The following TNKS variants were observed in gnomAD, a reference collection of about 807,000 sequenced individuals.
TNKS encodes poly [ADP-ribose] polymerase tankyrase-1.
A neutral mutation model predicts 135.8 loss-of-function variants in TNKS; 72 were observed. The observed-to-expected ratio is 0.53, with a 90% confidence interval of 0.44 to 0.64. The LOEUF (loss-of-function observed/expected upper bound fraction) is 0.64. Among genes scored for constraint, TNKS ranks in the 30% least tolerant of loss-of-function variants. TNKS has a pLI of 0.00. For missense variants in TNKS, 1,769 were observed against 1,674.0 expected (o/e 1.06, Z -0.99); for synonymous variants, 849 against 649.3 (o/e 1.31, Z -4.68).
intron 3 of TNKS, among the ~76,000 whole-genome samples, chr8:9,669,342 C>CGGG (rs1271426809): frequency 1.3e-5 from 2 of 150,196 alleles, no homozygotes; most frequent in Non-Finnish European, 3.0e-5. Context: ...GGCGTGAACC[C>CGGG]GGGAAGCGGA....
chr8:9,645,588 A>G (rs1392107881), intron 3 of TNKS, among the ~76,000 whole-genome samples: 2 of 152,080 alleles, frequency 1.3e-5, no homozygotes, highest in African/African-American at 2.4e-5. Flanking sequence ...TTCCAGGTAT[A>G]TTAGTGCTGG....
rs1563187731 is a variant in TNKS, at chr8:9,717,090, TA to T, written c.1750-3283del. 1.9e-3 allele frequency among the ~76,000 whole-genome samples: 236 copies of T among 127,464 alleles called. 12 individuals are homozygous for T. Among genetic ancestry groups the T allele is most frequent in the African/African-American group, 6.4e-3 (232 of 36,082 alleles). The allele number at this position is 127,464 out of a possible 152,430, so 83.6% of individuals were successfully genotyped here. ...GTATTATAATATATATATATATATA[TA>T]TATATATATATTTTCAGGGAATTTG... On this transcript the variant is annotated intron_variant, in intron 11 of 26. Transcript: ENST00000310430.
intron 2 of TNKS, among the ~76,000 whole-genome samples, chr8:9,584,322 TCTTC>T (rs1291088373): frequency 6.6e-6 from 1 of 152,194 alleles, no homozygotes; most frequent in African/African-American, 2.4e-5. Context: ...TAGTGTCAGA[TCTTC>T]CTTCCTTCTA....
chr8:9,644,511 C>T (rs915011683), intron 3 of TNKS, among the ~76,000 whole-genome samples: 7 of 152,070 alleles, frequency 4.6e-5, no homozygotes, highest in African/African-American at 1.7e-4. Flanking sequence ...TTAACGTTTC[C>T]CACTAGAACT....
chr8:9,727,995 G>A (rs933306698), intron 13 of TNKS, among the ~76,000 whole-genome samples: 1 of 152,222 alleles, frequency 6.6e-6, no homozygotes, highest in Admixed American at 6.5e-5. Flanking sequence ...AAGACGATTA[G>A]GCTTCCTTTC....
intron 16 of TNKS, 108 bp downstream of exon 16, chr8:9,735,192 A>T (rs1202083532): frequency 1.7e-6 from 2 of 1,187,896 alleles, no homozygotes; most frequent in African/African-American, 3.1e-5. Flanking sequence ...ACTTAGTAAA[A>T]TGCTCTTGAT....
intron 2 of TNKS, among the ~76,000 whole-genome samples, chr8:9,603,920 C>A (rs1302376979): frequency 2.0e-5 from 3 of 151,944 alleles, no homozygotes; most frequent in Admixed American, 1.3e-4. Context: ...AGTCAAAGAA[C>A]TTCAATGAGT....
intron 3 of TNKS, among the ~76,000 whole-genome samples, chr8:9,637,531 T>G (rs35127402): frequency 2.0e-5 from 3 of 152,192 alleles, no homozygotes; most frequent in African/African-American, 7.2e-5. Flanking sequence ...TGAGAGTGAA[T>G]GATAAATTGC....
chr8:9,716,736 T>C lies in TNKS; in HGVS notation c.1750-3638T>C, dbSNP rs180779396. On this transcript the variant is annotated intron_variant, in intron 11 of 26. Coordinates refer to ENST00000310430, the MANE Select transcript of TNKS (RefSeq NM_003747.3). ...TCTCTCTCTTTCTCTTTCTCTGAGGTTTCTTTTCTCTGCCAGTGTTTGTTC... is the reference window on the plus strand; with the variant it reads ...TCTCTCTCTTTCTCTTTCTCTGAGGCTTCTTTTCTCTGCCAGTGTTTGTTC... 2.0e-3 allele frequency among the ~76,000 whole-genome samples: 304 copies of C among 152,038 alleles called. 1 individual carries two copies. The highest frequency in any genetic ancestry group is 7.0e-3 in the African/African-American group (292 of 41,494).
intron 18 of TNKS, among the ~76,000 whole-genome samples, chr8:9,749,448 T>G (rs1451152465): frequency 2.0e-5 from 3 of 150,830 alleles, no homozygotes; most frequent in Non-Finnish European, 4.4e-5. Flanking sequence ...GTGGCTGTCT[T>G]TTTTTTTCCT....
Position 9,778,096 on chromosome 8 carries a change from A to C in TNKS, c.*1360A>C, listed in dbSNP as rs1265039209. 6.6e-6 allele frequency: 1 copy of C among 152,604 alleles called. No individual in the cohort carries two copies. The highest frequency in any genetic ancestry group is 1.5e-5 in the Non-Finnish European group (1 of 68,034). 9.5% of individuals were successfully genotyped at this position (152,604 alleles called of 1,614,324 possible). On this transcript the variant is annotated 3_prime_UTR_variant, in exon 27 of 27. Coordinates refer to ENST00000310430, the MANE Select transcript of TNKS (RefSeq NM_003747.3). ...AAATACCATACAATTTTCTTTGTGA[A>C]ATTACTGTTTATTTTCATCAACATT...
At chr8:9,584,843 G>A (rs999037652) in intron 2 of TNKS, among the ~76,000 whole-genome samples, 2 of 152,194 alleles carry the variant, frequency 1.3e-5, no homozygotes, top group Non-Finnish European at 2.9e-5. Flanking sequence ...CATTAGGGAA[G>A]AGACAGCTTG....
At chr8:9,645,172 G>A (rs1346136364) in intron 3 of TNKS, among the ~76,000 whole-genome samples, 1 of 152,058 alleles carries the variant, frequency 6.6e-6, no homozygotes, top group Admixed American at 6.6e-5. Context: ...GGGGAGGACG[G>A]GTAAGCAGAA....
At position 9,761,618 on chromosome 8, in the gene TNKS, C is replaced by T. The variant is rs1424393795; in HGVS notation, c.3256C>T (p.Leu1086Phe). The change falls in exon 21 of 27, where the codon CTC (leucine) becomes TTC (phenylalanine). Residue 1086 changes from leucine (L) to phenylalanine (F), a missense_variant. Leu to Phe is a conservative substitution (Grantham distance 22). Transcript: ENST00000310430. The stretch of plus-strand genomic sequence containing the variant: ...CAAATTAATCAAAGGAGTAGAAAGA[C>T]TCTTAGGTGGACAACAAGGTAAGCT... ...RHKLIKGVER[L>F]LGGQQGTNPY... The T allele has an allele frequency of 2.5e-6, 4 of 1,589,986 alleles. No homozygotes were observed. Among genetic ancestry groups the T allele is most frequent in the Non-Finnish European group, 2.6e-6 (3 of 1,173,960 alleles).
intron 3 of TNKS, among the ~76,000 whole-genome samples, chr8:9,634,461 C>G (rs1315271504): frequency 2.0e-5 from 3 of 152,130 alleles, no homozygotes; most frequent in Non-Finnish European, 4.4e-5. Flanking sequence ...TTCAAACCAA[C>G]TTTGACTTCT....
chr8:9,595,498 A>G (rs546769848), intron 2 of TNKS, among the ~76,000 whole-genome samples: 3 of 152,122 alleles, frequency 2.0e-5, no homozygotes, highest in African/African-American at 7.2e-5. Context: ...TTTACCTGAT[A>G]AAATTGGGAC....
chr8:9,672,669 A>C (rs1289245710), intron 3 of TNKS, among the ~76,000 whole-genome samples: 6 of 140,402 alleles, frequency 4.3e-5, no homozygotes, highest in African/African-American at 1.3e-4. Context: ...AAAAAAAAAA[A>C]AAAAAAACAC....
intron 3 of TNKS, among the ~76,000 whole-genome samples, chr8:9,661,059 A>G (rs1291682997): frequency 1.3e-5 from 2 of 151,774 alleles, no homozygotes; most frequent in African/African-American, 4.8e-5. Context: ...GAGAACTACA[A>G]ACCTCTGCTC....
At position 9,567,572 on chromosome 8, in the gene TNKS, C is replaced by T. The variant is rs547605594; in HGVS notation, c.673+10960C>T. ...CTGGGACTACAGGCGCCCGCCACCA[C>T]GCCCGGCTAATTTTTTTTGTATTTT... is the stretch of plus-strand genomic sequence containing the variant. On this transcript the variant is annotated intron_variant, in intron 1 of 26. Coordinates refer to ENST00000310430, the MANE Select transcript of TNKS (RefSeq NM_003747.3). Among the ~76,000 whole-genome samples the T allele has an allele frequency of 1.7e-4, 26 of 152,240 alleles. 1 individual carries two copies. The East Asian group carries it at 1.7e-3, about 10-fold the overall frequency.
Sources: gnomAD v4.1 joint callset for allele counts (sites outside exome capture counted in the v4.1 genomes callset) on GRCh38, gnomAD v4.1.1 for gene constraint, MANE v1.5 for transcripts, NCBI Gene and HGNC (gene_info 2026-07-23, HGNC 2026-07-21) for gene names.